CEP295: variants seen among roughly 807,000 people sequenced by gnomAD.
The protein encoded by CEP295 is centrosomal protein of 295 kDa.
Under a neutral mutation model 291.6 loss-of-function variants are expected in CEP295, and 190 were observed. That is an observed-to-expected ratio of 0.65 (90% CI 0.58 to 0.73). The LOEUF is 0.73. Among genes scored for constraint, CEP295 ranks in the 30% least tolerant of loss-of-function variants. The pLI is 0.00. For synonymous variants in CEP295, 993 were observed against 1,038.8 expected (o/e 0.96, Z 0.85); for missense variants, 2,863 against 2,949.4 (o/e 0.97, Z 0.68).
At chr11:93,703,304 T>C (rs1290686930) in intron 17 of CEP295, among the ~76,000 whole-genome samples, 5 of 150,232 alleles carry the variant, frequency 3.3e-5, no homozygotes, top group South Asian at 4.2e-4. Flanking sequence ...GTTAAACTTA[T>C]AGCAGAAAAA....
intron 19 of CEP295, 142 bp from the exon 20 acceptor site, chr11:93,721,812 G>A (rs751684500): frequency 6.9e-6 from 5 of 726,756 alleles, no homozygotes; most frequent in South Asian, 6.0e-5. Context: ...ATGATGAAAA[G>A]GTTTTACTAC....
intron 17 of CEP295, among the ~76,000 whole-genome samples, chr11:93,706,062 CCA>C (rs2135183184): frequency 6.6e-6 from 1 of 152,226 alleles, no homozygotes; most frequent in East Asian, 1.9e-4. Context: ...CCCCTGGACC[CCA>C]GAGTGTATCA....
At position 93,692,915 on chromosome 11, in the gene CEP295, A is replaced by G. The variant is rs1190325775; in HGVS notation, c.1533+885A>G. 3.1e-4 allele frequency among the ~76,000 whole-genome samples: 7 copies of G among 22,278 alleles called. No individual in the cohort carries two copies. In the Non-Finnish European group the frequency reaches 4.2e-3, roughly 13 times the overall value. The allele number at this position is 22,278 out of a possible 152,430, so 14.6% of individuals were successfully genotyped here. A position where few individuals can be genotyped will look rare whatever the true frequency, so the allele number is the denominator to read the frequency against. ...TTGAACCCAGGAGGCGGAGGCTGCA[A>G]TGAGTCAAGATCACACCACTGCACT... On this transcript the variant is annotated intron_variant, in intron 12 of 29. Transcript: ENST00000325212.
intron 18 of CEP295, among the ~76,000 whole-genome samples, chr11:93,712,278 A>G (rs895707215): frequency 2.7e-5 from 4 of 150,874 alleles, no homozygotes; most frequent in Admixed American, 2.0e-4. Flanking sequence ...ACAGAGTCTC[A>G]CTCTGTCACC....
chr11:93,700,633 C>T (rs1355167095), intron 15 of CEP295, among the ~76,000 whole-genome samples: 1 of 151,600 alleles, frequency 6.6e-6, no homozygotes, highest in Non-Finnish European at 1.5e-5. Flanking sequence ...AGGGTTTCCC[C>T]ATGTTGCTGG....
Position 93,683,965 on chromosome 11 carries a change from G to C in CEP295, c.951G>C (p.Lys317Asn). The change falls in exon 9 of 30, where the codon AAG becomes AAC. Residue 317 changes from lysine to asparagine, a missense_variant and splice_region_variant. Around this residue, in one of 3 missense-constraint regions of CEP295, gnomAD observed 554 missense variants for 576.0 expected, o/e 0.96. Coordinates refer to ENST00000325212, the MANE Select transcript of CEP295 (RefSeq NM_033395.2). ...GTGTCTCTATTTTTCTTTTTTAAGA[G>C]GTGAAAGGGAATCTGATTCTGCACC... ...AFEDMYNADR[K>N]VKGNLILHLE... 6.5e-6 allele frequency: 10 copies of C among 1,544,736 alleles called. No individual in the cohort carries two copies. Among genetic ancestry groups the C allele is most frequent in the Non-Finnish European group, 8.7e-6 (10 of 1,145,474 alleles).
chr11:93,719,345 C>G (rs1953521782), intron 18 of CEP295, among the ~76,000 whole-genome samples: 1 of 148,920 alleles, frequency 6.7e-6, no homozygotes, highest in South Asian at 2.1e-4. Flanking sequence ...ATAGCTCATT[C>G]ACAATCCAAA....
At chr11:93,692,135 T>A in intron 12 of CEP295, 105 bp downstream of exon 12, 1 of 653,054 alleles carries the variant, frequency 1.5e-6, no homozygotes, top group South Asian at 2.0e-5. Context: ...AATTTTGATA[T>A]CATGTTTTTG....
Position 93,695,785 on chromosome 11 carries a change from C to G in CEP295, c.1671+151C>G, listed in dbSNP as rs1591053648. 3.9e-6 allele frequency: 3 copies of G among 764,330 alleles called. No homozygotes were observed. The East Asian group carries it at 1.1e-4, about 28-fold the overall frequency. 47.3% of individuals were successfully genotyped at this position (764,330 alleles called of 1,614,324 possible). On this transcript the variant is annotated intron_variant, in intron 13 of 29. Coordinates refer to ENST00000325212, the MANE Select transcript of CEP295 (RefSeq NM_033395.2). Reference sequence around the variant, plus strand: ...CAGCACTTTGGGTGGCCGAGACAGGCAGATCACTTCAGGTCAGGAGTTCGA... The same window carrying G: ...CAGCACTTTGGGTGGCCGAGACAGGGAGATCACTTCAGGTCAGGAGTTCGA...
intron 18 of CEP295, among the ~76,000 whole-genome samples, chr11:93,714,727 T>A (rs889003203): frequency 6.6e-6 from 1 of 152,224 alleles, no homozygotes; most frequent in Non-Finnish European, 1.5e-5. Flanking sequence ...TCTTGCAGAC[T>A]CATAGAGGTA....
At chr11:93,705,273 T>C (rs1002001105) in intron 17 of CEP295, among the ~76,000 whole-genome samples, 5 of 152,238 alleles carry the variant, frequency 3.3e-5, no homozygotes, top group Non-Finnish European at 7.4e-5. Flanking sequence ...AAAAAAACTT[T>C]TACTATTTAT....
At position 93,696,833 on chromosome 11, in the gene CEP295, A is replaced by G. The variant is rs1346286067; in HGVS notation, c.1921A>G (p.Ile641Val). The G allele has an allele frequency of 6.4e-6, 10 of 1,551,606 alleles. No homozygotes were observed. Among genetic ancestry groups the G allele is most frequent in the Admixed American group, 5.9e-5 (3 of 50,974 alleles). The change falls in exon 15 of 30, where the codon ATA becomes GTA. Residue 641 changes from isoleucine to valine, a missense_variant. Physicochemically the swap from Ile to Val is conservative, Grantham distance 29. Around this residue, in one of 3 missense-constraint regions of CEP295, gnomAD observed 2,295 missense variants for 2,335.7 expected, o/e 0.98. Coordinates refer to ENST00000325212, the MANE Select transcript of CEP295 (RefSeq NM_033395.2). ...PSWKSERPTA[I>V]SEHWDQGQRL... ...ATGGAAATCTGAGAGACCGACTGCT[A>G]TATCAGAGCATTGGGATCAAGGTCA... is the stretch of plus-strand genomic sequence containing the variant.
intron 12 of CEP295, among the ~76,000 whole-genome samples, chr11:93,693,491 C>T (rs1190700971): frequency 6.6e-6 from 1 of 152,164 alleles, no homozygotes; most frequent in Non-Finnish European, 1.5e-5. Context: ...TGCAGTGGCT[C>T]ATATCTGTCA....
chr11:93,720,460 C>T (rs1051182972), intron 18 of CEP295, among the ~76,000 whole-genome samples: 3 of 97,994 alleles, frequency 3.1e-5, no homozygotes, highest in East Asian at 3.3e-4. Flanking sequence ...GGTGACAGAG[C>T]GAGAGTCTGC....
intron 6 of CEP295, among the ~76,000 whole-genome samples, chr11:93,678,564 GA>G (rs1950811196): frequency 6.6e-6 from 1 of 152,142 alleles, no homozygotes; most frequent in Non-Finnish European, 1.5e-5. Flanking sequence ...ACAAAAGACA[GA>G]AAAAGACTTT....
rs1236157386 is a variant in CEP295, at chr11:93,670,652, A to G, written c.528+882A>G. 3.9e-5 allele frequency among the ~76,000 whole-genome samples: 6 copies of G among 152,308 alleles called. No homozygotes were observed. In the East Asian group the frequency reaches 1.2e-3, roughly 29 times the overall value. ...CTGCTTGTACGTTGAGCCATCTACC[A>G]TGTAACATTTGATCCAACAAAATTC... is the stretch of plus-strand genomic sequence containing the variant. On this transcript the variant is annotated intron_variant, in intron 5 of 29. Coordinates refer to ENST00000325212, the MANE Select transcript of CEP295 (RefSeq NM_033395.2).
Position 93,730,137 on chromosome 11 carries a change from G to T in CEP295, c.7756G>T (p.Glu2586Ter), listed in dbSNP as rs750222886. The change falls in exon 29 of 30, where the codon GAA becomes TAA. Residue 2586 changes from glutamate (E) to a stop codon, truncating the protein, a stop_gained. Transcript: ENST00000325212. LOFTEE classifies it high-confidence loss of function. ...AYAQNRARAKEFHKKTLEKLR... is the reference protein window; with the variant it reads ...AYAQNRARAK ...TGCCCAAAACAGAGCAAGGGCAAAA[G>T]AATTCCATAAGGTGAGTATAACTGA... 3.2e-6 allele frequency: 5 copies of T among 1,550,894 alleles called. No individual in the cohort carries two copies. In the African/African-American group the frequency reaches 6.9e-5, roughly 21 times the overall value.
chr11:93,677,830 A>G (rs548421754), intron 6 of CEP295, among the ~76,000 whole-genome samples: 24 of 152,320 alleles, frequency 1.6e-4, no homozygotes, highest in African/African-American at 5.8e-4. Context: ...ATTTAATAAT[A>G]GCATTTATCA....
intron 9 of CEP295, among the ~76,000 whole-genome samples, chr11:93,685,020 TA>T (rs1951158239): frequency 1.3e-5 from 2 of 152,246 alleles, no homozygotes; most frequent in Non-Finnish European, 2.9e-5. Flanking sequence ...ACTGCATGTC[TA>T]GCAATAAATT....
Sources: gnomAD v4.1 joint callset for allele counts (sites outside exome capture counted in the v4.1 genomes callset) on GRCh38, gnomAD v4.1.1 for gene constraint, gnomAD v4.1.1 regional missense constraint, MANE v1.5 for transcripts, NCBI Gene and HGNC (gene_info 2026-07-23, HGNC 2026-07-21) for gene names.